The following PDE7B variants were observed in gnomAD, a reference collection of about 807,000 sequenced individuals.
The protein encoded by PDE7B is phosphodiesterase 7B, also known as 3',5'-cyclic-AMP phosphodiesterase 7B.
A neutral mutation model predicts 56.2 loss-of-function variants in PDE7B; 29 were observed. That is an observed-to-expected ratio of 0.52 (90% confidence interval 0.38 to 0.70). The LOEUF is 0.70. Among genes scored for constraint, PDE7B ranks in the 30% least tolerant of loss-of-function variants. PDE7B has a pLI of 0.00. For synonymous variants in PDE7B, 197 were observed against 196.9 expected, an observed-to-expected ratio of 1.00 and a Z score of 0.00; for missense variants, 490 against 565.0, an observed-to-expected ratio of 0.87 and a Z score of 1.35.
At chr6:136,012,590 A>C (rs1342504946) in intron 2 of PDE7B, 4 of 152,226 alleles carry the variant, frequency 2.6e-5, no homozygotes, top group African/African-American at 9.7e-5. Flanking sequence ...CTTACATGGC[A>C]GCAGGAGAAA....
intron 2 of PDE7B, among the ~76,000 whole-genome samples, chr6:136,106,862 T>C (rs1777653205): frequency 6.6e-6 from 1 of 152,214 alleles, no homozygotes; most frequent in Admixed American, 6.5e-5. Flanking sequence ...TAAGTACATT[T>C]TTTTTAAAGC....
At chr6:136,125,541 C>T (rs1341442591) in intron 3 of PDE7B, among the ~76,000 whole-genome samples, 1 of 151,726 alleles carries the variant, frequency 6.6e-6, no homozygotes, top group Admixed American at 6.6e-5. Context: ...TGCACTCCAA[C>T]CTGGAGACAG....
chr6:135,879,099 T>TA (rs1016944163), intron 1 of PDE7B, among the ~76,000 whole-genome samples: 1 of 152,112 alleles, frequency 6.6e-6, no homozygotes, highest in Non-Finnish European at 1.5e-5. Context: ...ATCACACATT[T>TA]AAAAAGCCTT....
At chr6:136,092,715 C>T (rs1375730610) in intron 2 of PDE7B, among the ~76,000 whole-genome samples, 4 of 152,058 alleles carry the variant, frequency 2.6e-5, no homozygotes, top group Admixed American at 6.6e-5. Context: ...GAGCTGAGAT[C>T]GTGCCACTGC....
chr6:136,180,335 C>T (rs1269035034), intron 10 of PDE7B, among the ~76,000 whole-genome samples: 1 of 152,226 alleles, frequency 6.6e-6, no homozygotes, highest in Non-Finnish European at 1.5e-5. Context: ...TGGCCTTGAA[C>T]ACTTGCATTT....
intron 12 of PDE7B, among the ~76,000 whole-genome samples, chr6:136,189,576 AAATT>A (rs1206558576): frequency 2.0e-5 from 3 of 152,180 alleles, no homozygotes; most frequent in African/African-American, 7.2e-5. Flanking sequence ...ATCTGTTAAA[AAATT>A]AATTAATTAA....
chr6:135,931,948 C>T (rs890885977), intron 1 of PDE7B, among the ~76,000 whole-genome samples: 12 of 45,764 alleles, frequency 2.6e-4, no homozygotes, highest in East Asian at 1.1e-3. Flanking sequence ...CACACACACG[C>T]GCGCGCACAC....
At chr6:135,874,821 G>T (rs929525134) in intron 1 of PDE7B, among the ~76,000 whole-genome samples, 33 of 152,146 alleles carry the variant, frequency 2.2e-4, no homozygotes, top group African/African-American at 8.0e-4. Context: ...CTGGGTCAAT[G>T]ACTGTAATAG....
chr6:135,860,222 G>A (rs570026651), intron 1 of PDE7B, among the ~76,000 whole-genome samples: 25 of 151,994 alleles, frequency 1.6e-4, no homozygotes, highest in African/African-American at 4.3e-4. Flanking sequence ...GATAAATTGC[G>A]GCTAATAGTT....
At chr6:136,010,684 A>T (rs1228088142) in intron 2 of PDE7B, among the ~76,000 whole-genome samples, 1 of 152,032 alleles carries the variant, frequency 6.6e-6, no homozygotes. Context: ...GCTGGAGTGC[A>T]ATGGCGTGAT....
chr6:136,163,192 A>G (rs1778737917), intron 8 of PDE7B, among the ~76,000 whole-genome samples: 1 of 152,236 alleles, frequency 6.6e-6, no homozygotes, highest in East Asian at 1.9e-4. Context: ...CTGCCCCTAC[A>G]GAAACTCATG....
intron 3 of PDE7B, among the ~76,000 whole-genome samples, chr6:136,143,183 A>G (rs1778356575): frequency 6.6e-6 from 1 of 151,956 alleles, no homozygotes; most frequent in East Asian, 1.9e-4. Flanking sequence ...TTGTCTGTAA[A>G]GTATTTAATT....
chr6:135,857,859 C>G (rs148160102), intron 1 of PDE7B, among the ~76,000 whole-genome samples: 1 of 152,194 alleles, frequency 6.6e-6, no homozygotes, highest in East Asian at 1.9e-4. Context: ...GGTATAAATA[C>G]ATAGACACAT....
At chr6:136,144,073 G>A (rs1040876740) in intron 3 of PDE7B, among the ~76,000 whole-genome samples, 64 of 151,986 alleles carry the variant, frequency 4.2e-4, no homozygotes, top group African/African-American at 8.9e-4. Context: ...TTCCTTATAC[G>A]TAACATAGGA....
At chr6:136,080,541 G>A (rs1414229383) in intron 2 of PDE7B, among the ~76,000 whole-genome samples, 1 of 152,192 alleles carries the variant, frequency 6.6e-6, no homozygotes, top group Non-Finnish European at 1.5e-5. Context: ...TCAGTCTGAA[G>A]TTCGTAGGAA....
chr6:136,191,619 A>C lies in PDE7B; in HGVS notation c.1132A>C (p.Met378Leu). Residue 378 changes from methionine to leucine, a missense_variant, in exon 13 of 13, where the codon ATG becomes CTG. Physicochemically the swap from Met to Leu is conservative, Grantham distance 15 (BLOSUM62 2). Transcript: ENST00000308191. ...DSIPSIQIGF[M>L]SYIVEPLFRE... ...CCTTGACTTGCCTGTTCTAGGTTTC[A>C]TGAGCTACATCGTGGAGCCGCTCTT... 6.2e-7 allele frequency: 1 copy of C among 1,613,818 alleles called. No individual in the cohort carries two copies. The highest frequency in any genetic ancestry group is 8.5e-7 in the Non-Finnish European group (1 of 1,179,748).
At position 136,147,369 on chromosome 6, in the gene PDE7B, A is replaced by T. The variant is rs1464657902; in HGVS notation, c.185A>T (p.Glu62Val). The T allele has an allele frequency of 6.2e-7, 1 of 1,612,428 alleles. No individual in the cohort carries two copies. Among genetic ancestry groups the T allele is most frequent in the Admixed American group, 1.7e-5 (1 of 59,998 alleles). Residue 62 changes from glutamate (E) to valine (V), a missense_variant, in exon 4 of 13, where the codon GAG becomes GTG. By Grantham distance (121) the Glu-to-Val change is moderately radical. Transcript: ENST00000308191. ...RLLNSTTYSG[E>V]IGTKKKVKRL... ...TCCACAGGTACAACATACTCAGGGG[A>T]GATTGGCACCAAGAAAAAGGTGAAA...
chr6:135,857,180 T>C (rs995281391), intron 1 of PDE7B, among the ~76,000 whole-genome samples: 1 of 152,162 alleles, frequency 6.6e-6, no homozygotes, highest in Non-Finnish European at 1.5e-5. Context: ...TGAGGAGTTT[T>C]CCTTGTGTAA....
chr6:135,930,016 G>T (rs1229821333), intron 1 of PDE7B, among the ~76,000 whole-genome samples: 1 of 152,208 alleles, frequency 6.6e-6, no homozygotes, highest in African/African-American at 2.4e-5. Context: ...AGGGAAAAGA[G>T]TAGTCAGGTG....
Sources: allele counts gnomAD v4.1 joint callset (sites outside exome capture counted in the v4.1 genomes callset), GRCh38; gene constraint gnomAD v4.1.1; transcripts MANE v1.5; gene names NCBI Gene and HGNC (gene_info 2026-07-23, HGNC 2026-07-21).